Variants in ZNF33B observed in about 807,000 individuals in gnomAD.
ZNF33B encodes zinc finger protein 11b (KOX 2).
ZNF33B carries 29 observed loss-of-function variants against 45.8 expected under a neutral mutation model. The observed-to-expected ratio is 0.63, with a 90% CI of 0.47 to 0.86. The LOEUF (loss-of-function observed/expected upper bound fraction) is 0.86. Among genes scored for constraint, ZNF33B ranks in the 40% least tolerant of loss-of-function variants. ZNF33B has a pLI of 0.00. For missense variants in ZNF33B, 831 were observed against 909.9 expected, an observed-to-expected ratio of 0.91 and a Z score of 1.12; for synonymous variants, 305 against 307.8, an observed-to-expected ratio of 0.99 and a Z score of 0.10.
At chr10:42,623,845 C>T (rs1838691674) in intron 4 of ZNF33B, among the ~76,000 whole-genome samples, 1 of 152,232 alleles carries the variant, frequency 6.6e-6, no homozygotes, top group Non-Finnish European at 1.5e-5. Context: ...TTTTACTACA[C>T]ACAAAACAAT....
downstream of ZNF33B, among the ~76,000 whole-genome samples, chr10:42,588,054 A>G (rs1362630861): frequency 6.6e-6 from 1 of 151,168 alleles, no homozygotes; most frequent in African/African-American, 2.5e-5. Context: ...ATAACAAACA[A>G]TAGTCTATAG....
Position 42,583,343 on chromosome 10 carries a change from G to A in ZNF33B, c.74-8665C>T, listed in dbSNP as rs552765703. The A allele has an allele frequency of 2.0e-5, 8 of 398,632 alleles. No homozygotes were observed. In the Admixed American group the frequency reaches 2.2e-4, roughly 11 times the overall value. 24.7% of individuals were successfully genotyped at this position (398,632 alleles called of 1,614,324 possible). ...TGGAACTGCCATCAAGGAAGAGCTGGCAAAACAAACAGGCATTCCAGAATC... is the reference window on the plus strand; with the variant it reads ...TGGAACTGCCATCAAGGAAGAGCTGACAAAACAAACAGGCATTCCAGAATC... On this transcript the variant is annotated intron_variant, in intron 1 of 1. Coordinates refer to the ZNF33B transcript ENST00000462075.
intron 4 of ZNF33B, among the ~76,000 whole-genome samples, chr10:42,618,702 G>A (rs921552646): frequency 5.3e-5 from 8 of 152,130 alleles, no homozygotes; most frequent in African/African-American, 1.9e-4. Flanking sequence ...AGTTTGCTGA[G>A]CTTCTTGGAT....
In ZNF33B at chr10:42,591,096, C is replaced by T. The variant is rs1221732847; in HGVS notation, c.*1517G>A. ...TCACACTGTCAATAAAAGCCCCATGCCAGCTTGATTCTGGCTCTTCTCCAG... is the reference window on the plus strand; with the variant it reads ...TCACACTGTCAATAAAAGCCCCATGTCAGCTTGATTCTGGCTCTTCTCCAG... On this transcript the variant is annotated 3_prime_UTR_variant, in exon 5 of 5. Transcript: ENST00000359467. The T allele has an allele frequency of 3.9e-6, 1 of 259,610 alleles. No individual in the cohort carries two copies. Among genetic ancestry groups the T allele is most frequent in the East Asian group, 1.8e-4 (1 of 5,632 alleles). 16.1% of individuals were successfully genotyped at this position (259,610 alleles called of 1,614,324 possible).
intron 1 of ZNF33B, among the ~76,000 whole-genome samples, chr10:42,575,238 G>T (rs186597533): frequency 3.9e-4 from 59 of 152,284 alleles, no homozygotes; most frequent in African/African-American, 1.4e-3. Flanking sequence ...CACTCAGGGA[G>T]CTGTGCTTAA....
At chr10:42,615,013 A>G (rs776461356) in intron 4 of ZNF33B, among the ~76,000 whole-genome samples, 2 of 152,152 alleles carry the variant, frequency 1.3e-5, no homozygotes, top group African/African-American at 2.4e-5. Flanking sequence ...AAAAACCACA[A>G]TGAGATACCT....
At chr10:42,629,813 T>C (rs183901493) in intron 4 of ZNF33B, among the ~76,000 whole-genome samples, 3 of 152,374 alleles carry the variant, frequency 2.0e-5, no homozygotes, top group Admixed American at 1.3e-4. Flanking sequence ...ATAGTGTTTC[T>C]AAGTGTACCA....
intron 1 of ZNF33B, chr10:42,579,752 G>A (rs1329688574): frequency 6.5e-6 from 1 of 154,352 alleles, no homozygotes; most frequent in African/African-American, 2.4e-5. Flanking sequence ...TTGAACTCAA[G>A]TCAAAAAGAT....
In ZNF33B at chr10:42,592,607, T is replaced by C. The variant is rs1324897771; in HGVS notation, c.*6A>G. On this transcript the variant is annotated 3_prime_UTR_variant, in exon 5 of 5. Coordinates refer to ENST00000359467, the MANE Select transcript of ZNF33B (RefSeq NM_006955.3). ...GACTTGTGGCTGGAAATTTCTAATA[T>C]CCAATTCATTCATAAGGTTTTTCTC... The C allele has an allele frequency of 1.9e-6, 3 of 1,608,712 alleles. No homozygotes were observed. Among genetic ancestry groups the C allele is most frequent in the Non-Finnish European group, 2.5e-6 (3 of 1,177,184 alleles).
At chr10:42,605,954 C>T (rs1837827590) in intron 4 of ZNF33B, among the ~76,000 whole-genome samples, 2 of 151,760 alleles carry the variant, frequency 1.3e-5, no homozygotes, top group South Asian at 4.2e-4. Context: ...TTTAATTACC[C>T]GGGCATAGTG....
intron 4 of ZNF33B, among the ~76,000 whole-genome samples, chr10:42,616,903 C>A (rs1398176264): frequency 2.0e-5 from 3 of 151,672 alleles, no homozygotes; most frequent in Admixed American, 6.6e-5. Context: ...ACCATGTTGG[C>A]CAGGATGGTC....
At position 42,636,613 on chromosome 10, in the gene ZNF33B, G is replaced by A. The variant is rs1839313395; in HGVS notation, c.9+307C>T. ...GAGGCGGGCGGATTGCCTGAGCTCA[G>A]GAGTTTGCGACCAGCCAGGGCAACA... On this transcript the variant is annotated intron_variant, in intron 2 of 4. Transcript: ENST00000359467. Among the ~76,000 whole-genome samples the A allele has an allele frequency of 2.0e-5, 3 of 152,184 alleles. No individual in the cohort carries two copies. The South Asian group carries it at 6.2e-4, about 31-fold the overall frequency.
intron 4 of ZNF33B, among the ~76,000 whole-genome samples, chr10:42,630,248 C>T (rs1451346825): frequency 1.3e-5 from 2 of 152,120 alleles, no homozygotes; most frequent in African/African-American, 4.8e-5. Context: ...TCAAAAGATA[C>T]AGAATTTTTA....
chr10:42,628,929 C>CATAT (rs1158884970), intron 4 of ZNF33B, among the ~76,000 whole-genome samples: 5 of 152,146 alleles, frequency 3.3e-5, no homozygotes, highest in African/African-American at 1.2e-4. Context: ...GTAGAGCTAT[C>CATAT]ATATAATCCA....
At chr10:42,616,628 C>T (rs970621905) in intron 4 of ZNF33B, among the ~76,000 whole-genome samples, 1 of 152,112 alleles carries the variant, frequency 6.6e-6, no homozygotes, top group Non-Finnish European at 1.5e-5. Flanking sequence ...ACAAGAGATC[C>T]AGCATCTCTC....
chr10:42,575,731 T>TATAC (rs1554819604), intron 1 of ZNF33B, among the ~76,000 whole-genome samples: 4 of 122,850 alleles, frequency 3.3e-5, no homozygotes, highest in Non-Finnish European at 6.7e-5. Context: ...TATATATACA[T>TATAC]ATATATTTTT....
chr10:42,579,496 G>C (rs1836794602), intron 1 of ZNF33B, among the ~76,000 whole-genome samples: 1 of 152,162 alleles, frequency 6.6e-6, no homozygotes, highest in African/African-American at 2.4e-5. Flanking sequence ...TTTTGGTGTG[G>C]ATCTCTGGAT....
Position 42,594,578 on chromosome 10 carries a change from T to A in ZNF33B, c.372A>T (p.Ile124=), listed in dbSNP as rs774431579. Residue 124 remains isoleucine, a synonymous_variant, in exon 5 of 5, where the codon ATA becomes ATT. Coordinates refer to ENST00000359467, the MANE Select transcript of ZNF33B (RefSeq NM_006955.3). Reference sequence around the variant, plus strand: ...AAGAACTTACGTCCATGTTAAATGGTATTCCTATTACATTACCTTGTTCCT... The same window carrying A: ...AAGAACTTACGTCCATGTTAAATGGAATTCCTATTACATTACCTTGTTCCT... ...LTKEQGNVIG[I]PFNMDVSSFP... The A allele has an allele frequency of 6.2e-7, 1 of 1,613,276 alleles. No individual in the cohort carries two copies. Among genetic ancestry groups the A allele is most frequent in the African/African-American group, 1.3e-5 (1 of 74,880 alleles).
intron 4 of ZNF33B, among the ~76,000 whole-genome samples, chr10:42,625,319 GTATT>G (rs1385173429): frequency 2.0e-5 from 3 of 152,046 alleles, no homozygotes; most frequent in African/African-American, 7.3e-5. Context: ...TTATAACAAA[GTATT>G]TAATTTTCTA....
Sources: allele counts gnomAD v4.1 joint callset (sites outside exome capture counted in the v4.1 genomes callset), GRCh38; gene constraint gnomAD v4.1.1; transcripts MANE v1.5; gene names NCBI Gene and HGNC (gene_info 2026-07-23, HGNC 2026-07-21).